The following BST2 variants were observed in gnomAD, a reference collection of about 807,000 sequenced individuals.
BST2 encodes the protein bone marrow stromal antigen 2.
BST2 carries 10 observed loss-of-function variants against 18.6 expected under a neutral mutation model. That is an observed-to-expected ratio of 0.54 (90% confidence interval 0.33 to 0.91). BST2 has a LOEUF of 0.91. Ranked by LOEUF, BST2 falls within the 40% of genes least tolerant of loss-of-function variation. BST2 has a pLI of 0.02. For missense variants in BST2, 183 were observed against 228.4 expected, an observed-to-expected ratio of 0.80 and a Z score of 1.28; for synonymous variants, 75 against 96.8, an observed-to-expected ratio of 0.77 and a Z score of 1.32.
chr19:17,403,089 A>G lies in BST2; in HGVS notation c.*253T>C, dbSNP rs1184960807. On this transcript the variant is annotated 3_prime_UTR_variant, in exon 5 of 5. Coordinates refer to ENST00000252593, the MANE Select transcript of BST2 (RefSeq NM_004335.4). ...ATGCCCAATCTCAGGGTGGGAGACAAGAGGGGGGACTCATTGTCCGGAGGG... is the reference window on the plus strand; with the variant it reads ...ATGCCCAATCTCAGGGTGGGAGACAGGAGGGGGGACTCATTGTCCGGAGGG... 4.1e-6 allele frequency: 4 copies of G among 984,970 alleles called. No homozygotes were observed. The East Asian group carries it at 4.6e-4, about 112-fold the overall frequency. The allele number at this position is 984,970 out of a possible 1,614,324, so 61.0% of individuals were successfully genotyped here. A position where few individuals can be genotyped will look rare whatever the true frequency, so the allele number is the denominator to read the frequency against.
chr19:17,404,585 T>C (rs1018197466), intron 1 of BST2, 148 bp from the exon 2 acceptor site: 8 of 1,220,764 alleles, frequency 6.6e-6, no homozygotes, highest in Non-Finnish European at 9.1e-6. Flanking sequence ...CACCATGGTC[T>C]CCAACCTTAA....
intron 3 of BST2, 27 bp downstream of exon 3, chr19:17,404,102 G>A (rs1228698090): frequency 6.4e-7 from 1 of 1,564,844 alleles, no homozygotes. Context: ...GGCAGGTGGA[G>A]GGTAGCGGGG....
At chr19:17,405,020 T>C (rs1221253684) in intron 1 of BST2, among the ~76,000 whole-genome samples, 2 of 151,936 alleles carry the variant, frequency 1.3e-5, no homozygotes, top group Non-Finnish European at 2.9e-5. Flanking sequence ...ATTTATAAAT[T>C]CACCTAAGTC....
At position 17,404,160 on chromosome 19, in the gene BST2, G is replaced by A. The variant is rs776936917; in HGVS notation, c.382C>T (p.Gln128Ter). 1 of 1,600,272 alleles carries A rather than the reference G, an allele frequency of 6.2e-7. No individual in the cohort carries two copies. Among genetic ancestry groups the A allele is most frequent in the Non-Finnish European group, 8.5e-7 (1 of 1,173,246 alleles). The change falls in exon 3 of 5, where the codon CAG (glutamine) becomes TAG (stop). Residue 128 changes from glutamine to a stop codon, truncating the protein, a stop_gained. Transcript: ENST00000252593. LOFTEE classifies it high-confidence loss of function. Reference sequence around the variant, plus strand: ...CGCTCCACCTCTGCAGACGCGTCCTGAAGCTTATGGTTTAATGTAGTGATC... The same window carrying A: ...CGCTCCACCTCTGCAGACGCGTCCTAAAGCTTATGGTTTAATGTAGTGATC... ...GEITTLNHKL[Q>*]DASAEVERLR...
chr19:17,403,401 G>GGCCCCCCCCCCA, intron 4 of BST2, 75 bp from the exon 5 acceptor site: 1 of 959,838 alleles, frequency 1.0e-6, no homozygotes, highest in Non-Finnish European at 1.2e-6. Context: ...CCGGCCCCAA[G>GGCCCCCCCCCCA]CCCCGCCCCC....
chr19:17,403,117 G>C lies in BST2; in HGVS notation c.*225C>G, dbSNP rs13485. ...GGGGGGACTCATTGTCCGGAGGGAG[G>C]CTCTGGAGGGAGACAGCCCTGGGTC... On this transcript the variant is annotated 3_prime_UTR_variant, in exon 5 of 5. Transcript: ENST00000252593. The C allele has an allele frequency of 0.13, 130,610 of 985,344 alleles. 9,429 individuals carry two copies. The highest frequency in any genetic ancestry group is 0.27 in the African/African-American group (15,447 of 57,058). 61.0% of individuals were successfully genotyped at this position (985,344 alleles called of 1,614,324 possible). A position where few individuals can be genotyped will look rare whatever the true frequency, so the allele number is the denominator to read the frequency against.
intron 1 of BST2, 92 bp from the exon 2 acceptor site, chr19:17,404,529 G>A (rs1322190062): frequency 1.3e-6 from 2 of 1,579,410 alleles, no homozygotes; most frequent in Non-Finnish European, 1.7e-6. Context: ...GGGGACAGAG[G>A]GGCTTAAATG....
chr19:17,403,577 C>A, intron 4 of BST2, 103 bp downstream of exon 4: 2 of 1,445,116 alleles, frequency 1.4e-6, no homozygotes, highest in Non-Finnish European at 1.8e-6. Context: ...TGCGCCCAGT[C>A]CCTTCCCCTG....
In BST2 at chr19:17,405,521, G is replaced by A. The variant is rs773885142; in HGVS notation, c.55C>T (p.Arg19Cys). ...CCTATCCCCAGCAGAAGCTTACAGCGCTTATCCCCGTCTTCCATGGGCACT... is the reference window on the plus strand; with the variant it reads ...CCTATCCCCAGCAGAAGCTTACAGCACTTATCCCCGTCTTCCATGGGCACT... ...CRVPMEDGDKRCKLLLGIGIL... is the reference protein window; with the variant it reads ...CRVPMEDGDKCCKLLLGIGIL... Residue 19 changes from arginine to cysteine, a missense_variant, in exon 1 of 5, where the codon CGC (arginine) becomes TGC (cysteine). Transcript: ENST00000252593. 5.6e-6 allele frequency: 9 copies of A among 1,614,046 alleles called. No homozygotes were observed. The highest frequency in any genetic ancestry group is 2.2e-5 in the East Asian group (1 of 44,892).
At chr19:17,405,213 G>C in intron 1 of BST2, 78 bp downstream of exon 1, 1 of 1,479,028 alleles carries the variant, frequency 6.8e-7, no homozygotes, top group Non-Finnish European at 9.0e-7. Flanking sequence ...GACCCACCCT[G>C]GGTCAGATTT....
chr19:17,405,615 G>A lies in BST2; in HGVS notation c.-40C>T. On this transcript the variant is annotated 5_prime_UTR_variant, in exon 1 of 5. Transcript: ENST00000252593. ...TAGAGTCTGGCCTGGAGTTAGGGGAGGGTGCTGGAATCTTCTACGGGCCAC... is the reference window on the plus strand; with the variant it reads ...TAGAGTCTGGCCTGGAGTTAGGGGAAGGTGCTGGAATCTTCTACGGGCCAC... 2 of 1,539,102 alleles carry A rather than the reference G, an allele frequency of 1.3e-6. No individual in the cohort carries two copies. Among genetic ancestry groups the A allele is most frequent in the South Asian group, 1.2e-5 (1 of 81,936 alleles).
chr19:17,403,400 A>AAC, intron 4 of BST2, 74 bp from the exon 5 acceptor site: 1 of 1,001,860 alleles, frequency 1.0e-6, no homozygotes, highest in South Asian at 3.8e-5. Flanking sequence ...CCCGGCCCCA[A>AAC]GCCCCGCCCC....
At chr19:17,403,420 A>AC (rs1231195870) in intron 4 of BST2, 94 bp from the exon 5 acceptor site, 1 of 700,216 alleles carries the variant, frequency 1.4e-6, no homozygotes, top group Non-Finnish European at 1.7e-6. Flanking sequence ...CCATCGCTAG[A>AC]CCCGCCCCAC....
rs886415695 is a variant in BST2, at chr19:17,403,381, C to T, written c.*16-55G>A. On this transcript the variant is annotated intron_variant, in intron 4 of 4. Coordinates refer to ENST00000252593, the MANE Select transcript of BST2 (RefSeq NM_004335.4). The stretch of plus-strand genomic sequence containing the variant: ...GACTGGAGGCAGCAGACACTGGCCC[C>T]GCTCCAAGCCCGGCCCCAAGCCCCG... The T allele has an allele frequency of 8.6e-5, 96 of 1,117,508 alleles. No individual in the cohort carries two copies. The African/African-American group carries it at 1.4e-3, about 17-fold the overall frequency. The allele number at this position is 1,117,508 out of a possible 1,614,324, so 69.2% of individuals were successfully genotyped here. A position where few individuals can be genotyped will look rare whatever the true frequency, so the allele number is the denominator to read the frequency against.
At chr19:17,404,218 G>T in intron 2 of BST2, 29 bp from the exon 3 acceptor site, 1 of 1,597,050 alleles carries the variant, frequency 6.3e-7, no homozygotes, top group Non-Finnish European at 8.5e-7. Flanking sequence ...AGAAACAGGG[G>T]GCGGGTCAGC....
chr19:17,404,578 C>T (rs2074715275), intron 1 of BST2, 141 bp from the exon 2 acceptor site: 1 of 1,271,454 alleles, frequency 7.9e-7, no homozygotes, highest in South Asian at 1.4e-5. Flanking sequence ...CTCTCTGCAC[C>T]ATGGTCTCCA....
chr19:17,403,893 GC>G, intron 3 of BST2, 69 bp from the exon 4 acceptor site: 1 of 1,553,948 alleles, frequency 6.4e-7, no homozygotes. Context: ...TAAGCCCACC[GC>G]CCCCGGGAGT....
rs2074705153 is a variant in BST2, at chr19:17,403,048, C to T, written c.*294G>A. 1 of 985,200 alleles carries T rather than the reference C, an allele frequency of 1.0e-6. No individual in the cohort carries two copies. The highest frequency in any genetic ancestry group is 1.2e-6 in the Non-Finnish European group (1 of 829,908). 61.0% of individuals were successfully genotyped at this position (985,200 alleles called of 1,614,324 possible). A position where few individuals can be genotyped will look rare whatever the true frequency, so the allele number is the denominator to read the frequency against. ...CCCATAACAACAGGCAGCACATGCCCCCCACACCGCACCCCATGCCCAATC... is the reference window on the plus strand; with the variant it reads ...CCCATAACAACAGGCAGCACATGCCTCCCACACCGCACCCCATGCCCAATC... On this transcript the variant is annotated 3_prime_UTR_variant, in exon 5 of 5. Transcript: ENST00000252593.
In BST2 at chr19:17,403,079, G is replaced by A; in HGVS notation, c.*263C>T. On this transcript the variant is annotated 3_prime_UTR_variant, in exon 5 of 5. Coordinates refer to ENST00000252593, the MANE Select transcript of BST2 (RefSeq NM_004335.4). ...ACCGCACCCCATGCCCAATCTCAGG[G>A]TGGGAGACAAGAGGGGGGACTCATT... 1.0e-6 allele frequency: 1 copy of A among 985,186 alleles called. No homozygotes were observed. The allele number at this position is 985,186 out of a possible 1,614,324, so 61.0% of individuals were successfully genotyped here.
Sources: gnomAD v4.1 joint callset for allele counts (sites outside exome capture counted in the v4.1 genomes callset) on GRCh38, gnomAD v4.1.1 for gene constraint, MANE v1.5 for transcripts, NCBI Gene and HGNC (gene_info 2026-07-23, HGNC 2026-07-21) for gene names.